USH2A: variants seen among roughly 807,000 people sequenced by gnomAD.
USH2A encodes usherin, also known as Usher syndrome 2A (autosomal recessive, mild).
In USH2A, 443 loss-of-function variants were observed where a neutral mutation model predicts 538.9. That is an observed-to-expected ratio of 0.82 (90% CI 0.76 to 0.89). The LOEUF is 0.89. Ranked by LOEUF, USH2A falls within the 40% of genes least tolerant of loss-of-function variation. The pLI, the probability that USH2A is intolerant of heterozygous loss-of-function variation, is 0.00. For missense variants in USH2A, 6,633 were observed against 6,324.8 expected (o/e 1.05, Z -1.65); for synonymous variants, 2,413 against 2,273.5 (o/e 1.06, Z -1.75).
intron 4 of USH2A, among the ~76,000 whole-genome samples, chr1:216,331,453 C>A (rs974808324): frequency 6.6e-6 from 1 of 151,932 alleles, no homozygotes; most frequent in Non-Finnish European, 1.5e-5. Context: ...CTGGGTGGCA[C>A]AACAAAATTA....
Position 216,092,360 on chromosome 1 carries a change from C to T in USH2A, c.4759-3221G>A, listed in dbSNP as rs72746313. 4.2e-3 allele frequency among the ~76,000 whole-genome samples: 645 copies of T among 152,226 alleles called. 5 individuals carry two copies. Among genetic ancestry groups the T allele is most frequent in the Non-Finnish European group, 6.6e-3 (446 of 68,010 alleles). ...GTGTGATGAGTATAAAAAGTATTCA[C>T]TAGATAATCTCGTCCGCATTTAAAG... On this transcript the variant is annotated intron_variant, in intron 22 of 71. Transcript: ENST00000307340.
intron 22 of USH2A, among the ~76,000 whole-genome samples, chr1:216,093,344 A>T (rs1490250426): frequency 6.6e-6 from 1 of 152,220 alleles, no homozygotes; most frequent in Admixed American, 6.5e-5. Context: ...GGGTAGGGAC[A>T]GAGCAACTGG....
chr1:215,837,918 G>A lies in USH2A; in HGVS notation c.9371+73C>T. 4 of 1,210,322 alleles carry A rather than the reference G, an allele frequency of 3.3e-6. No individual in the cohort carries two copies. In the South Asian group the frequency reaches 4.8e-5, roughly 15 times the overall value. The allele number at this position is 1,210,322 out of a possible 1,614,324, so 75.0% of individuals were successfully genotyped here. ...TTAAATGAGATTGTCATGGCTGAGA[G>A]GATACCTTTGATTTTTATTTTCATT... On this transcript the variant is annotated intron_variant, in intron 47 of 71. Coordinates refer to ENST00000307340, the MANE Select transcript of USH2A (RefSeq NM_206933.4).
At chr1:216,374,579 G>A (rs1424420992) in intron 3 of USH2A, among the ~76,000 whole-genome samples, 1 of 152,008 alleles carries the variant, frequency 6.6e-6, no homozygotes, top group African/African-American at 2.4e-5. Context: ...AACATTTTGC[G>A]AGCAGATACT....
intron 11 of USH2A, among the ~76,000 whole-genome samples, chr1:216,256,611 C>T (rs1046754221): frequency 1.1e-4 from 17 of 151,998 alleles, no homozygotes; most frequent in Non-Finnish European, 2.5e-4. Context: ...CCAATCTCTC[C>T]TCTTCCTCTT....
intron 9 of USH2A, among the ~76,000 whole-genome samples, chr1:216,305,881 T>A (rs550867369): frequency 6.6e-5 from 10 of 152,184 alleles, no homozygotes; most frequent in Non-Finnish European, 1.3e-4. Flanking sequence ...AGAAATCTGC[T>A]GTTAATCTGA....
At chr1:215,857,980 T>C (rs922941815) in intron 44 of USH2A, among the ~76,000 whole-genome samples, 2 of 152,134 alleles carry the variant, frequency 1.3e-5, no homozygotes, top group African/African-American at 4.8e-5. Context: ...TCCACTCAGA[T>C]GGTTGTTGGA....
Position 216,421,963 on chromosome 1 carries a change from G to A in USH2A, c.374C>T (p.Ala125Val), listed in dbSNP as rs2039684226. ...DLHPNAHSNS[A>V]SFIFGNHKSC... is the part of the protein sequence containing the mutation. ...CTTGTGATTTCCAAAAATAAAACTTGCAGAATTGCTATGGGCGTTAGGATG... is the reference window on the plus strand; with the variant it reads ...CTTGTGATTTCCAAAAATAAAACTTACAGAATTGCTATGGGCGTTAGGATG... The change falls in exon 2 of 72, where the codon GCA becomes GTA. Residue 125 changes from alanine to valine, a missense_variant. Coordinates refer to ENST00000307340, the MANE Select transcript of USH2A (RefSeq NM_206933.4). 3.7e-6 allele frequency: 6 copies of A among 1,613,946 alleles called. No homozygotes were observed. Among genetic ancestry groups the A allele is most frequent in the Non-Finnish European group, 3.4e-6 (4 of 1,179,910 alleles).
At chr1:216,127,069 G>GA in intron 21 of USH2A, among the ~76,000 whole-genome samples, 1 of 152,328 alleles carries the variant, frequency 6.6e-6, no homozygotes, top group East Asian at 1.9e-4. Context: ...TCTTCAGGGA[G>GA]ACAGTTTGCA....
intron 21 of USH2A, among the ~76,000 whole-genome samples, chr1:216,118,214 C>A (rs143952734): frequency 1.3e-5 from 2 of 152,040 alleles, no homozygotes; most frequent in African/African-American, 4.8e-5. Context: ...AACTATTTGG[C>A]CCTATATAAG....
chr1:216,019,850 G>C (rs12142380), intron 32 of USH2A, among the ~76,000 whole-genome samples: 24,513 of 152,128 alleles, frequency 0.16, 2,254 homozygotes, highest in South Asian at 0.29. Context: ...TGTAAGGTTA[G>C]GTTGTAAATA....
intron 9 of USH2A, among the ~76,000 whole-genome samples, chr1:216,303,453 T>A (rs2037252288): frequency 6.6e-6 from 1 of 151,958 alleles, no homozygotes; most frequent in Admixed American, 6.6e-5. Flanking sequence ...GCGTTATTGA[T>A]GTTTTTTAAT....
intron 21 of USH2A, among the ~76,000 whole-genome samples, chr1:216,147,301 C>T (rs1055495189): frequency 2.6e-5 from 4 of 152,106 alleles, no homozygotes; most frequent in Non-Finnish European, 5.9e-5. Flanking sequence ...TTTTTATCAC[C>T]TCCCCTCCTC....
At chr1:215,864,808 T>C (rs1664428399) in intron 44 of USH2A, among the ~76,000 whole-genome samples, 1 of 152,140 alleles carries the variant, frequency 6.6e-6, no homozygotes, top group Admixed American at 6.5e-5. Flanking sequence ...GATACTAATG[T>C]TTAAAACTGG....
intron 15 of USH2A, among the ~76,000 whole-genome samples, chr1:216,210,753 C>T (rs556891407): frequency 5.5e-4 from 84 of 151,978 alleles, no homozygotes; most frequent in African/African-American, 1.8e-3. Flanking sequence ...AGGGTCGAGG[C>T]GGGCGGATCA....
intron 11 of USH2A, among the ~76,000 whole-genome samples, chr1:216,266,683 A>G (rs941346049): frequency 6.6e-6 from 1 of 152,052 alleles, no homozygotes; most frequent in African/African-American, 2.4e-5. Flanking sequence ...GAGGTCCTTG[A>G]GCATAAATAT....
At position 215,718,463 on chromosome 1, in the gene USH2A, G is replaced by C. The variant is rs182918233; in HGVS notation, c.12066+9567C>G. On this transcript the variant is annotated intron_variant, in intron 61 of 71. Coordinates refer to ENST00000307340, the MANE Select transcript of USH2A (RefSeq NM_206933.4). ...CACCCATCAAGGTAATTACTTTCAA[G>C]TTGAAATAATTACTCTATCAATGTT... Among the ~76,000 whole-genome samples, 828 of 152,290 alleles carry C rather than the reference G, an allele frequency of 5.4e-3. 4 individuals are homozygous for C. Among genetic ancestry groups the C allele is most frequent in the African/African-American group, 0.019 (796 of 41,564 alleles).
chr1:216,136,491 G>A (rs1433033166), intron 21 of USH2A, among the ~76,000 whole-genome samples: 1 of 152,058 alleles, frequency 6.6e-6, no homozygotes, highest in East Asian at 1.9e-4. Flanking sequence ...TCCTCTTTTT[G>A]ATTAGGTTAT....
At chr1:215,686,964 T>A (rs1571958366) in intron 61 of USH2A, among the ~76,000 whole-genome samples, 1 of 152,086 alleles carries the variant, frequency 6.6e-6, no homozygotes, top group Non-Finnish European at 1.5e-5. Context: ...ATTTTCCTAT[T>A]TTCTTTCCTG....
Sources: allele counts gnomAD v4.1 joint callset (sites outside exome capture counted in the v4.1 genomes callset), GRCh38; gene constraint gnomAD v4.1.1; transcripts MANE v1.5; gene names NCBI Gene and HGNC (gene_info 2026-07-23, HGNC 2026-07-21).